SRGAP3: variants seen among roughly 807,000 people sequenced by gnomAD.
SRGAP3 encodes SLIT-ROBO Rho GTPase-activating protein 3.
Under a neutral mutation model 121.1 loss-of-function variants are expected in SRGAP3, and 39 were observed. That is an observed-to-expected ratio of 0.32 (90% CI 0.25 to 0.42). The LOEUF is 0.42. Among genes scored for constraint, SRGAP3 ranks in the 10% least tolerant of loss-of-function variants. The pLI, the probability that SRGAP3 is intolerant of heterozygous loss-of-function variation, is 1.00. For synonymous variants in SRGAP3, 601 were observed against 570.0 expected, an observed-to-expected ratio of 1.05 and a Z score of -0.77; for missense variants, 1,213 against 1,470.6, an observed-to-expected ratio of 0.82 and a Z score of 2.86.
At chr3:9,262,554 A>AAAAAAAAC (rs1954276389) in intron 3 of SRGAP3, among the ~76,000 whole-genome samples, 1 of 149,670 alleles carries the variant, frequency 6.7e-6, no homozygotes, top group Non-Finnish European at 1.5e-5. Context: ...AAAAAAAAAA[A>AAAAAAAAC]AAGCAGTGGT....
In SRGAP3 at chr3:9,183,247, T is replaced by C. The variant is rs1366463371; in HGVS notation, c.68-58330A>G. Among the ~76,000 whole-genome samples, 3 of 151,994 alleles carry C rather than the reference T, an allele frequency of 2.0e-5. 1 individual carries two copies. Among genetic ancestry groups the C allele is most frequent in the South Asian group, 4.1e-4 (2 of 4,820 alleles). ...CAGGCACAGTGCTGGCAGGGAAGAGTGTGCACAGTGCAGCCACGGCGCCTG... is the reference window on the plus strand; with the variant it reads ...CAGGCACAGTGCTGGCAGGGAAGAGCGTGCACAGTGCAGCCACGGCGCCTG... On this transcript the variant is annotated intron_variant, in intron 1 of 21. Coordinates refer to ENST00000383836, the MANE Select transcript of SRGAP3 (RefSeq NM_014850.4).
rs554242126 is a variant in SRGAP3, at chr3:9,249,179, C to A, written c.-228G>T. On this transcript the variant is annotated 5_prime_UTR_variant, in exon 1 of 22. Coordinates refer to ENST00000383836, the MANE Select transcript of SRGAP3 (RefSeq NM_014850.4). ...CTCTAGTAGCTTGCCCTGGTCAGCT[C>A]CTCTTGCAAAAGAAGAATCACCCTA... The A allele has an allele frequency of 3.6e-5, 21 of 589,642 alleles. No homozygotes were observed. Among genetic ancestry groups the A allele is most frequent in the Admixed American group, 5.9e-5 (2 of 33,662 alleles). 36.5% of individuals were successfully genotyped at this position (589,642 alleles called of 1,614,324 possible). A position where few individuals can be genotyped will look rare whatever the true frequency, so the allele number is the denominator to read the frequency against.
rs370592206 is a variant in SRGAP3 at position 8,984,793 on chromosome 3, G to C, written c.*726C>G. ...TGGGAGCAGCCTGCTTGGGGGTACT[G>C]CCTGCCCCACCCTTCCTTGAGGGGC... is the stretch of plus-strand genomic sequence containing the variant. On this transcript the variant is annotated 3_prime_UTR_variant, in exon 22 of 22. Coordinates refer to ENST00000383836, the MANE Select transcript of SRGAP3 (RefSeq NM_014850.4). The C allele has an allele frequency of 4.3e-6, 1 of 231,430 alleles. No homozygotes were observed. Among genetic ancestry groups the C allele is most frequent in the Non-Finnish European group, 8.6e-6 (1 of 116,648 alleles). The allele number at this position is 231,430 out of a possible 1,614,324, so 14.3% of individuals were successfully genotyped here.
chr3:9,217,304 A>G (rs1952669077), intron 1 of SRGAP3: 1 of 152,280 alleles, frequency 6.6e-6, no homozygotes, highest in East Asian at 1.9e-4. Flanking sequence ...TTTCCAATAC[A>G]TTGGGCTGTG....
intron 1 of SRGAP3, among the ~76,000 whole-genome samples, chr3:9,353,149 C>A (rs1231368593): frequency 6.6e-6 from 1 of 152,214 alleles, no homozygotes; most frequent in African/African-American, 2.4e-5. Context: ...TGCAGCTGCC[C>A]CTTTGTGCAG....
rs567578707 is a variant in SRGAP3 at position 9,092,784 on chromosome 3, T to C, written c.423+11896A>G. Reference sequence around the variant, plus strand: ...AGATAACATACAGTGCCCCGTGCCATTTTGCAGAATCTCCTGTCATCTGTT... The same window carrying C: ...AGATAACATACAGTGCCCCGTGCCACTTTGCAGAATCTCCTGTCATCTGTT... On this transcript the variant is annotated intron_variant, in intron 3 of 21. Coordinates refer to ENST00000383836, the MANE Select transcript of SRGAP3 (RefSeq NM_014850.4). 4.6e-5 allele frequency among the ~76,000 whole-genome samples: 7 copies of C among 152,304 alleles called. No individual in the cohort carries two copies. In the South Asian group the frequency reaches 1.0e-3, roughly 23 times the overall value.
At chr3:9,356,473 T>C (rs1222259044) in intron 1 of SRGAP3, among the ~76,000 whole-genome samples, 1 of 142,844 alleles carries the variant, frequency 7.0e-6, no homozygotes, top group East Asian at 2.3e-4. Context: ...CCCGGGTTCA[T>C]GCCATCCTCC....
At chr3:9,286,865 G>C (rs1954784884) in intron 3 of SRGAP3, among the ~76,000 whole-genome samples, 2 of 151,360 alleles carry the variant, frequency 1.3e-5, no homozygotes, top group Non-Finnish European at 2.9e-5. Context: ...GCCTCCCAAA[G>C]TGCTGGGATT....
intron 3 of SRGAP3, among the ~76,000 whole-genome samples, chr3:9,313,771 G>C (rs933957459): frequency 6.6e-6 from 1 of 152,150 alleles, no homozygotes; most frequent in African/African-American, 2.4e-5. Flanking sequence ...GAGATGGACA[G>C]ATCACCTGAG....
intron 1 of SRGAP3, among the ~76,000 whole-genome samples, chr3:9,145,798 C>T (rs1950002937): frequency 6.6e-6 from 1 of 152,152 alleles, no homozygotes; most frequent in Non-Finnish European, 1.5e-5. Flanking sequence ...GGCATGCATG[C>T]CTGGCCTCAA....
rs61745234 is a variant in SRGAP3 at position 9,058,404 on chromosome 3, G to A, written c.870C>T (p.Asn290=). 1.4e-3 allele frequency: 2,204 copies of A among 1,614,230 alleles called. 30 individuals carry two copies. In the African/African-American group the frequency reaches 0.024, roughly 17 times the overall value. The change falls in exon 7 of 22, where the codon AAC becomes AAT. Residue 290 remains asparagine, a synonymous_variant. Transcript: ENST00000383836. ...TFRTYLSAEY[N]LETSRHEGLD... ...GCCCTTCGTGGCGAGAGGTCTCCAG[G>A]TTGTATTCAGCTGAGAGATAGGTCC...
At chr3:9,128,490 A>T (rs971069333) in intron 1 of SRGAP3, among the ~76,000 whole-genome samples, 13 of 152,374 alleles carry the variant, frequency 8.5e-5, no homozygotes, top group African/African-American at 2.4e-4. Context: ...AAGGTAAAGA[A>T]AGGAGCAGTG....
chr3:9,042,621 A>G (rs1019396864), intron 10 of SRGAP3, among the ~76,000 whole-genome samples: 3 of 152,186 alleles, frequency 2.0e-5, no homozygotes, highest in Admixed American at 6.5e-5. Flanking sequence ...CAAAGCAGGA[A>G]AGGAGAAAAG....
intron 3 of SRGAP3, among the ~76,000 whole-genome samples, chr3:9,261,435 G>C (rs1954253789): frequency 6.6e-6 from 1 of 151,852 alleles, no homozygotes; most frequent in Non-Finnish European, 1.5e-5. Flanking sequence ...CTAAATGCAA[G>C]GAAACTAAGA....
intron 1 of SRGAP3, among the ~76,000 whole-genome samples, chr3:9,174,266 G>A (rs2125105804): frequency 6.6e-6 from 1 of 152,330 alleles, no homozygotes; most frequent in South Asian, 2.1e-4. Flanking sequence ...ACAGATGGTG[G>A]TGATGGCTGC....
chr3:9,180,206 C>CACCCAAGGCTCAGG (rs1360399746), intron 1 of SRGAP3, among the ~76,000 whole-genome samples: 1 of 152,168 alleles, frequency 6.6e-6, no homozygotes, highest in African/African-American at 2.4e-5. Context: ...GTGCAGGGAA[C>CACCCAAGGCTCAGG]AAGATTGAGG....
At chr3:9,052,030 T>G (rs1945604128) in intron 9 of SRGAP3, among the ~76,000 whole-genome samples, 1 of 152,172 alleles carries the variant, frequency 6.6e-6, no homozygotes, top group African/African-American at 2.4e-5. Context: ...CTCAGTTCTG[T>G]GTTGGGCATA....
intron 3 of SRGAP3, among the ~76,000 whole-genome samples, chr3:9,271,056 G>A (rs957897029): frequency 1.3e-5 from 2 of 152,160 alleles, no homozygotes; most frequent in African/African-American, 2.4e-5. Flanking sequence ...GCTATCAGCC[G>A]GGCCCAGTGG....
chr3:8,999,454 G>C lies in SRGAP3; in HGVS notation c.2228-4931C>G, dbSNP rs117684190. On this transcript the variant is annotated intron_variant, in intron 18 of 21. Coordinates refer to ENST00000383836, the MANE Select transcript of SRGAP3 (RefSeq NM_014850.4). ...CCCTCCCTCTAGCCATGCCATTCCA[G>C]AGAACTCTGTTATAGGTCATGAGTC... is the stretch of plus-strand genomic sequence containing the variant. 4.3e-4 allele frequency among the ~76,000 whole-genome samples: 65 copies of C among 152,234 alleles called. No homozygotes were observed. The East Asian group carries it at 0.01, about 24-fold the overall frequency.
Sources: gnomAD v4.1 joint callset for allele counts (sites outside exome capture counted in the v4.1 genomes callset) on GRCh38, gnomAD v4.1.1 for gene constraint, MANE v1.5 for transcripts, NCBI Gene and HGNC (gene_info 2026-07-23, HGNC 2026-07-21) for gene names.